The following GRIK1 variants were observed in gnomAD, a reference collection of about 807,000 sequenced individuals.
GRIK1 encodes the protein glutamate ionotropic receptor kainate type subunit 1, also known as glutamate receptor ionotropic, kainate 1.
In GRIK1, 69 loss-of-function variants were observed where a neutral mutation model predicts 105.7. The ratio of observed to expected loss-of-function variants is 0.65; its 90% CI spans 0.54 to 0.80. The LOEUF is 0.80. Ranked by LOEUF, GRIK1 falls within the 30% of genes least tolerant of loss-of-function variation. GRIK1 has a pLI of 0.00. For missense variants in GRIK1, 1,109 were observed against 1,167.3 expected (o/e 0.95, Z 0.73); for synonymous variants, 438 against 431.3 (o/e 1.02, Z -0.19).
intron 1 of GRIK1, among the ~76,000 whole-genome samples, chr21:29,913,964 A>G (rs945893533): frequency 1.3e-4 from 20 of 152,030 alleles, no homozygotes; most frequent in African/African-American, 4.8e-4. Flanking sequence ...TTTTGCTAAA[A>G]TAATTCAAAT....
chr21:29,684,652 C>T (rs139005404), intron 3 of GRIK1, among the ~76,000 whole-genome samples: 7 of 152,202 alleles, frequency 4.6e-5, no homozygotes, highest in East Asian at 1.9e-4. Flanking sequence ...GGACTACAGG[C>T]GCCCGCCACC....
intron 1 of GRIK1, among the ~76,000 whole-genome samples, chr21:29,747,382 CTTG>C (rs892054085): frequency 3.9e-5 from 6 of 152,154 alleles, no homozygotes; most frequent in Non-Finnish European, 8.8e-5. Flanking sequence ...CTCCCAAATC[CTTG>C]TTGTGTTCTC....
intron 7 of GRIK1, among the ~76,000 whole-genome samples, chr21:29,610,567 A>G (rs1303830539): frequency 6.6e-6 from 1 of 152,166 alleles, no homozygotes; most frequent in Non-Finnish European, 1.5e-5. Context: ...GATTACAGGA[A>G]TCCCTGGACC....
At chr21:29,776,134 G>A (rs1952278032) in intron 1 of GRIK1, among the ~76,000 whole-genome samples, 1 of 152,082 alleles carries the variant, frequency 6.6e-6, no homozygotes, top group Admixed American at 6.5e-5. Flanking sequence ...TATAGCATAG[G>A]GGAAATTGCC....
rs1346197207 is a variant in GRIK1, at chr21:29,570,199, T to C, written c.2130+6765A>G. The stretch of plus-strand genomic sequence containing the variant: ...ATGTCAAGCAGAAATGAGAGGGATT[T>C]TATTAAAAATTCTCTTAAATAGTCT... On this transcript the variant is annotated intron_variant, in intron 14 of 17. Transcript: ENST00000327783. Among the ~76,000 whole-genome samples the C allele has an allele frequency of 2.0e-5, 3 of 152,092 alleles. No homozygotes were observed. The East Asian group carries it at 5.8e-4, about 29-fold the overall frequency.
intron 1 of GRIK1, among the ~76,000 whole-genome samples, chr21:29,880,053 G>A (rs960054555): frequency 2.0e-5 from 3 of 152,044 alleles, no homozygotes; most frequent in African/African-American, 7.2e-5. Flanking sequence ...TTCAGAATAC[G>A]ATTTGTATAA....
intron 8 of GRIK1, 23 bp from the exon 9 acceptor site, chr21:29,596,593 A>G: frequency 6.3e-7 from 1 of 1,580,492 alleles, no homozygotes; most frequent in East Asian, 2.2e-5. Flanking sequence ...AGAGAAAAAT[A>G]AAATAAAAAC....
In GRIK1 at chr21:29,867,902, GAA is replaced by G. The variant is rs542395111; in HGVS notation, c.118+71479_118+71480del. Among the ~76,000 whole-genome samples the G allele has an allele frequency of 6.5e-3, 690 of 105,416 alleles. 2 individuals are homozygous for G. Among genetic ancestry groups the G allele is most frequent in the Middle Eastern group, 0.024 (5 of 208 alleles). 69.2% of individuals were successfully genotyped at this position (105,416 alleles called of 152,430 possible). ...AGAGAGAGAAAGAGAGAGAGAGAGAGAAAGAAAGAGAGAGAAAGAGAGAAAGA... is the reference window on the plus strand; with the variant it reads ...AGAGAGAGAAAGAGAGAGAGAGAGAGAGAAAGAGAGAGAAAGAGAGAAAGA... On this transcript the variant is annotated intron_variant, in intron 1 of 17. Transcript: ENST00000327783.
chr21:29,614,833 T>TTTGTGCACATAATAA (rs1484580872), intron 7 of GRIK1, among the ~76,000 whole-genome samples: 4 of 151,578 alleles, frequency 2.6e-5, no homozygotes, highest in Non-Finnish European at 5.9e-5. Flanking sequence ...ATGTAGATGC[T>TTTGTGCACATAATAA]TCCCCAGACT....
chr21:29,551,682 A>T (rs1397065739), intron 16 of GRIK1, among the ~76,000 whole-genome samples: 1 of 152,166 alleles, frequency 6.6e-6, no homozygotes, highest in Non-Finnish European at 1.5e-5. Context: ...TCTGAATTAC[A>T]CTTTTAAGTA....
At position 29,581,642 on chromosome 21, in the gene GRIK1, A is replaced by G. The variant is rs1939137753; in HGVS notation, c.1794-99T>C. On this transcript the variant is annotated intron_variant, in intron 12 of 17. Transcript: ENST00000327783. ...GAGCAATGCAGAAAACCCAACAATT[A>G]ATCACAAAAGCTTCAAACCAAAAGA... 2.9e-5 allele frequency: 20 copies of G among 689,254 alleles called. No individual in the cohort carries two copies. The South Asian group carries it at 3.7e-4, about 13-fold the overall frequency. 42.7% of individuals were successfully genotyped at this position (689,254 alleles called of 1,614,324 possible). A position where few individuals can be genotyped will look rare whatever the true frequency, so the allele number is the denominator to read the frequency against.
At chr21:29,812,875 A>C (rs1207785909) in intron 1 of GRIK1, among the ~76,000 whole-genome samples, 9 of 152,184 alleles carry the variant, frequency 5.9e-5, no homozygotes, top group Non-Finnish European at 1.3e-4. Flanking sequence ...TGCATTTGAC[A>C]TCTCCTTTAA....
chr21:29,641,463 T>C (rs1240683867), intron 7 of GRIK1, among the ~76,000 whole-genome samples: 1 of 152,178 alleles, frequency 6.6e-6, no homozygotes. Context: ...CCATTAAACC[T>C]CTTTTTCTTT....
At chr21:29,698,843 C>T (rs1289608382) in intron 1 of GRIK1, among the ~76,000 whole-genome samples, 1 of 152,154 alleles carries the variant, frequency 6.6e-6, no homozygotes, top group Admixed American at 6.5e-5. Context: ...AGTAATGAGT[C>T]TGTCTTATGT....
intron 1 of GRIK1, among the ~76,000 whole-genome samples, chr21:29,783,775 T>C (rs996178845): frequency 6.6e-6 from 1 of 152,224 alleles, no homozygotes; most frequent in Non-Finnish European, 1.5e-5. Context: ...ACTTAGGCTA[T>C]CTTTCTTATA....
chr21:29,875,525 T>G (rs577497839), intron 1 of GRIK1, among the ~76,000 whole-genome samples: 6 of 152,118 alleles, frequency 3.9e-5, no homozygotes, highest in Non-Finnish European at 8.8e-5. Flanking sequence ...ACCACAATGA[T>G]TTACGCCTGG....
chr21:29,591,474 ATT>A (rs1189225018), intron 9 of GRIK1, among the ~76,000 whole-genome samples: 1 of 151,978 alleles, frequency 6.6e-6, no homozygotes, highest in Non-Finnish European at 1.5e-5. Flanking sequence ...TAGTAAACTC[ATT>A]TTCTTTTATA....
At chr21:29,861,956 T>C (rs867444668) in intron 1 of GRIK1, among the ~76,000 whole-genome samples, 7 of 152,180 alleles carry the variant, frequency 4.6e-5, no homozygotes, top group Non-Finnish European at 8.8e-5. Flanking sequence ...TTGTATTGTC[T>C]TTGTCTAGGT....
At chr21:29,594,016 C>A (rs1406970024) in intron 9 of GRIK1, among the ~76,000 whole-genome samples, 1 of 152,046 alleles carries the variant, frequency 6.6e-6, no homozygotes, top group Admixed American at 6.5e-5. Context: ...ACCATTTTTT[C>A]CCCTATTGTC....
Sources: allele counts gnomAD v4.1 joint callset (sites outside exome capture counted in the v4.1 genomes callset), GRCh38; gene constraint gnomAD v4.1.1; transcripts MANE v1.5; gene names NCBI Gene and HGNC (gene_info 2026-07-23, HGNC 2026-07-21).